The following C9orf153 variants were observed in gnomAD, a reference collection of about 807,000 sequenced individuals.
C9orf153 encodes the protein uncharacterized protein C9orf153.
C9orf153 carries 10 observed loss-of-function variants against 9.0 expected under a neutral mutation model. The ratio of observed to expected loss-of-function variants is 1.11; its 90% CI spans 0.69 to 1.89. C9orf153 has a LOEUF of 1.89. C9orf153 is among the 40% of genes most tolerant of loss of function. The pLI is 0.00. For missense variants in C9orf153, 108 were observed against 111.0 expected, an observed-to-expected ratio of 0.97 and a Z score of 0.12; for synonymous variants, 35 against 37.3, an observed-to-expected ratio of 0.94 and a Z score of 0.23.
intron 3 of C9orf153, among the ~76,000 whole-genome samples, chr9:86,224,342 G>C (rs1233012494): frequency 2.0e-5 from 3 of 151,836 alleles, no homozygotes; most frequent in African/African-American, 7.3e-5. Context: ...AGCTGAGATT[G>C]TGCCACTGCA....
At chr9:86,243,660 A>G (rs1209548623) in intron 1 of C9orf153, among the ~76,000 whole-genome samples, 1 of 152,112 alleles carries the variant, frequency 6.6e-6, no homozygotes, top group Admixed American at 6.6e-5. Flanking sequence ...AGCAAGCCAC[A>G]TCGCCTGAAT....
chr9:86,224,781 A>T (rs1443241232), intron 3 of C9orf153, among the ~76,000 whole-genome samples: 4 of 150,836 alleles, frequency 2.7e-5, no homozygotes, highest in African/African-American at 9.7e-5. Context: ...CAAAAAAAAA[A>T]AAAAAAAATT....
At chr9:86,258,840 C>CTT (rs201510058) in intron 1 of C9orf153, among the ~76,000 whole-genome samples, 1 of 150,042 alleles carries the variant, frequency 6.7e-6, no homozygotes, top group African/African-American at 2.4e-5. Context: ...CAGCTTTCCC[C>CTT]TTTTTTTTTT....
At chr9:86,243,228 T>G (rs2131195967) in intron 1 of C9orf153, among the ~76,000 whole-genome samples, 1 of 152,278 alleles carries the variant, frequency 6.6e-6, no homozygotes, top group African/African-American at 2.4e-5. Context: ...TGAAACAAGA[T>G]TTGAAGCAAT....
chr9:86,234,650 A>C (rs1824540345), intron 1 of C9orf153, among the ~76,000 whole-genome samples: 1 of 152,230 alleles, frequency 6.6e-6, no homozygotes, highest in Non-Finnish European at 1.5e-5. Flanking sequence ...ACCCTGGCTT[A>C]GACAATGGTT....
chr9:86,240,911 A>G (rs1306129449), intron 1 of C9orf153, among the ~76,000 whole-genome samples: 16 of 147,840 alleles, frequency 1.1e-4, no homozygotes, highest in East Asian at 4.1e-4. Context: ...GTTTCACCAT[A>G]TTGGCCAGGC....
intron 3 of C9orf153, among the ~76,000 whole-genome samples, chr9:86,225,743 C>T (rs1447541296): frequency 6.6e-6 from 1 of 152,154 alleles, no homozygotes; most frequent in Non-Finnish European, 1.5e-5. Context: ...CCTTGGCCTG[C>T]CAAAGTGCTG....
At chr9:86,256,333 G>T (rs893924985) in intron 1 of C9orf153, among the ~76,000 whole-genome samples, 11 of 152,234 alleles carry the variant, frequency 7.2e-5, no homozygotes, top group African/African-American at 2.6e-4. Flanking sequence ...GAATACCTTC[G>T]AGCCACTGAT....
At chr9:86,223,539 G>A (rs1824251319) in intron 3 of C9orf153, among the ~76,000 whole-genome samples, 1 of 152,120 alleles carries the variant, frequency 6.6e-6, no homozygotes, top group African/African-American at 2.4e-5. Context: ...TACTCCACAC[G>A]CATTGCAATC....
Position 86,221,220 on chromosome 9 carries a change from C to G in C9orf153, c.*468G>C, listed in dbSNP as rs1294595050. 1 of 152,786 alleles carries G rather than the reference C, an allele frequency of 6.5e-6. No individual in the cohort carries two copies. Among genetic ancestry groups the G allele is most frequent in the South Asian group, 2.1e-4 (1 of 4,834 alleles). 9.5% of individuals were successfully genotyped at this position (152,786 alleles called of 1,614,324 possible). ...AAAATTCCTTAAAAAGCTATGCTTG[C>G]TTGAGTGTTCTTCAGTTACACCTTT... On this transcript the variant is annotated 3_prime_UTR_variant, in exon 4 of 4. Coordinates refer to ENST00000339137, the MANE Select transcript of C9orf153 (RefSeq NM_001276366.4).
intron 2 of C9orf153, 122 bp from the exon 3 acceptor site, chr9:86,228,152 A>G: frequency 1.4e-6 from 1 of 722,654 alleles, no homozygotes; most frequent in Non-Finnish European, 2.2e-6. Flanking sequence ...AAGCATTTTT[A>G]TCTTTGGAAG....
intron 1 of C9orf153, among the ~76,000 whole-genome samples, chr9:86,233,711 T>G (rs1824518798): frequency 6.6e-6 from 1 of 152,178 alleles, no homozygotes; most frequent in Non-Finnish European, 1.5e-5. Context: ...GCCACTGTGC[T>G]CGTCCAATTT....
Position 86,221,534 on chromosome 9 carries a change from A to G in C9orf153, c.*154T>C, listed in dbSNP as rs915751375. On this transcript the variant is annotated 3_prime_UTR_variant, in exon 4 of 4. Transcript: ENST00000339137. ...TAAGAGAATAACTTCCTTCATTTTG[A>G]TAATCAATTTGAGGATAAATGACCA... 4 of 1,353,456 alleles carry G rather than the reference A, an allele frequency of 3.0e-6. No homozygotes were observed. The highest frequency in any genetic ancestry group is 2.9e-6 in the Non-Finnish European group (3 of 1,052,296). The allele number at this position is 1,353,456 out of a possible 1,614,324, so 83.8% of individuals were successfully genotyped here. A position where few individuals can be genotyped will look rare whatever the true frequency, so the allele number is the denominator to read the frequency against.
intron 3 of C9orf153, among the ~76,000 whole-genome samples, 174 bp from the exon 4 acceptor site, chr9:86,221,907 C>T (rs983204466): frequency 3.3e-5 from 5 of 151,870 alleles, no homozygotes; most frequent in Admixed American, 6.6e-5. Context: ...TATTTTGAGA[C>T]GGAGTTTTGC....
At chr9:86,229,459 G>A (rs545137201) in intron 2 of C9orf153, 79 bp downstream of exon 2, 150 of 996,004 alleles carry the variant, frequency 1.5e-4, no homozygotes, top group Admixed American at 2.7e-4. Context: ...GTCACTGTGC[G>A]TTCAATAGTT....
chr9:86,244,544 T>C (rs907391814), intron 1 of C9orf153, among the ~76,000 whole-genome samples: 11 of 152,214 alleles, frequency 7.2e-5, no homozygotes, highest in African/African-American at 2.7e-4. Context: ...AATGCCTAAA[T>C]AGATCTAAAA....
chr9:86,235,836 CA>C (rs1824574526), intron 1 of C9orf153, among the ~76,000 whole-genome samples: 1 of 135,812 alleles, frequency 7.4e-6, no homozygotes, highest in South Asian at 2.5e-4. Flanking sequence ...GGGACAATTA[CA>C]AAAGGTATAA....
In C9orf153 at chr9:86,254,419, G is replaced by GTATAAACTT. The variant is rs1346109262; in HGVS notation, c.-27+5122_-27+5130dup. ...CTGCAAACTGATGCTAAACAATCTG[G>GTATAAACTT]TATAAACTTTGAGAAAAATCACCAC... On this transcript the variant is annotated intron_variant, in intron 1 of 3. Coordinates refer to ENST00000339137, the MANE Select transcript of C9orf153 (RefSeq NM_001276366.4). Among the ~76,000 whole-genome samples the GTATAAACTT allele has an allele frequency of 2.6e-4, 39 of 152,244 alleles. 1 individual carries two copies. Among genetic ancestry groups the GTATAAACTT allele is most frequent in the Admixed American group, 1.0e-3 (16 of 15,298 alleles).
chr9:86,244,144 A>G (rs1013006760), intron 1 of C9orf153, among the ~76,000 whole-genome samples: 2 of 152,254 alleles, frequency 1.3e-5, no homozygotes, highest in African/African-American at 4.8e-5. Context: ...AGGGATTTTC[A>G]TATCAATTAC....
Sources: allele counts gnomAD v4.1 joint callset (sites outside exome capture counted in the v4.1 genomes callset), GRCh38; gene constraint gnomAD v4.1.1; transcripts MANE v1.5; gene names NCBI Gene and HGNC (gene_info 2026-07-23, HGNC 2026-07-21).